Variants in KCNJ6 observed in about 807,000 individuals in gnomAD.
KCNJ6 encodes potassium inwardly rectifying channel subfamily J member 6.
KCNJ6 carries 9 observed loss-of-function variants against 34.2 expected under a neutral mutation model. The observed-to-expected ratio is 0.26, with a 90% CI of 0.16 to 0.46. The LOEUF is 0.46. Ranked by LOEUF, KCNJ6 falls within the 20% of genes least tolerant of loss-of-function variation. The pLI is 1.00. For missense variants in KCNJ6, 236 were observed against 531.3 expected (o/e 0.44, Z 5.46); for synonymous variants, 196 against 207.1 (o/e 0.95, Z 0.46).
chr21:37,658,941 T>C (rs2054476114), intron 3 of KCNJ6, among the ~76,000 whole-genome samples: 1 of 152,256 alleles, frequency 6.6e-6, no homozygotes, highest in African/African-American at 2.4e-5. Context: ...AAACTCCTTG[T>C]TCTCTTTCTC....
chr21:37,895,787 A>G (rs1265224892), intron 1 of KCNJ6, among the ~76,000 whole-genome samples: 1 of 152,180 alleles, frequency 6.6e-6, no homozygotes, highest in Non-Finnish European at 1.5e-5. Context: ...GTGGTGCCCC[A>G]TTCCCCATTT....
Position 37,658,039 on chromosome 21 carries a change from C to T in KCNJ6, c.947-32555G>A, listed in dbSNP as rs562944311. On this transcript the variant is annotated intron_variant, in intron 3 of 3. Transcript: ENST00000609713. ...GTAGTTTGTGGGTTTTCTCTTAAAA[C>T]GAGGCTCTTATTCCTGCAAATATTT... 4.1e-4 allele frequency among the ~76,000 whole-genome samples: 62 copies of T among 152,336 alleles called. No homozygotes were observed. In the South Asian group the frequency reaches 4.8e-3, roughly 12 times the overall value.
chr21:37,698,060 G>A (rs536481340), intron 3 of KCNJ6, among the ~76,000 whole-genome samples: 2 of 152,318 alleles, frequency 1.3e-5, no homozygotes, highest in South Asian at 4.1e-4. Context: ...GCAAACACTC[G>A]TTAAACAAAG....
At chr21:37,757,708 C>T (rs914954025) in intron 2 of KCNJ6, among the ~76,000 whole-genome samples, 42 of 149,176 alleles carry the variant, frequency 2.8e-4, no homozygotes, top group Non-Finnish European at 3.0e-5. Context: ...GGTTCCAGCC[C>T]GGAGTGAGCA....
At chr21:37,653,232 G>A (rs2054442024) in intron 3 of KCNJ6, among the ~76,000 whole-genome samples, 1 of 152,190 alleles carries the variant, frequency 6.6e-6, no homozygotes, top group Admixed American at 6.5e-5. Context: ...CTGAATTCAT[G>A]GACTAGAGCT....
intron 3 of KCNJ6, among the ~76,000 whole-genome samples, chr21:37,667,085 T>C (rs1404828926): frequency 4.2e-5 from 6 of 141,736 alleles, no homozygotes; most frequent in Admixed American, 3.7e-4. Flanking sequence ...TGACCTTCTC[T>C]CCACTATTAT....
At chr21:37,910,978 C>T (rs2055864363) in intron 1 of KCNJ6, among the ~76,000 whole-genome samples, 1 of 152,168 alleles carries the variant, frequency 6.6e-6, no homozygotes, top group Admixed American at 6.5e-5. Flanking sequence ...TGAATATTTA[C>T]AACTGATTAG....
rs572096844 is a variant in KCNJ6, at chr21:37,714,815, G to C, written c.342C>G (p.Ile114Met). The part of the protein sequence containing the change: ...WLFFGMIWWL[I>M]AYIRGDMDHI... ...GGTCCATGTCTCCCCGTATGTATGC[G>C]ATCAACCACCAGATCATTCCAAAAA... Residue 114 changes from isoleucine to methionine, a missense_variant, in exon 3 of 4, where the codon ATC (isoleucine) becomes ATG (methionine). Around this residue, in one of 5 missense-constraint regions of KCNJ6, gnomAD observed 68 missense variants for 165.7 expected, o/e 0.41. Transcript: ENST00000609713. The surrounding 1 kb of genome is among the most constrained non-coding windows in gnomAD (Gnocchi z 5.9). 5.6e-6 allele frequency: 9 copies of C among 1,614,046 alleles called. No individual in the cohort carries two copies. In the South Asian group the frequency reaches 9.9e-5, roughly 18 times the overall value.
At chr21:37,884,032 G>A (rs2055722816) in intron 1 of KCNJ6, among the ~76,000 whole-genome samples, 1 of 152,158 alleles carries the variant, frequency 6.6e-6, no homozygotes, top group African/African-American at 2.4e-5. Flanking sequence ...GTAAGTCTAT[G>A]TGTCTCCTGA....
Position 37,621,167 on chromosome 21 carries a change from C to T in KCNJ6, c.*3992G>A, listed in dbSNP as rs1226222727. On this transcript the variant is annotated 3_prime_UTR_variant, in exon 4 of 4. Coordinates refer to ENST00000609713, the MANE Select transcript of KCNJ6 (RefSeq NM_002240.5). ...TAGAGGACACTGAACTTTCAACTACCTTCCTGACATTTTTAAATCATACAG... is the reference window on the plus strand; with the variant it reads ...TAGAGGACACTGAACTTTCAACTACTTTCCTGACATTTTTAAATCATACAG... 1 of 152,148 alleles carries T rather than the reference C, an allele frequency of 6.6e-6. No individual in the cohort carries two copies. The highest frequency in any genetic ancestry group is 1.9e-4 in the East Asian group (1 of 5,202). The allele number at this position is 152,148 out of a possible 1,614,324, so 9.4% of individuals were successfully genotyped here. A position where few individuals can be genotyped will look rare whatever the true frequency, so the allele number is the denominator to read the frequency against.
chr21:37,848,150 GA>G (rs1317804790), intron 1 of KCNJ6, among the ~76,000 whole-genome samples: 1 of 152,186 alleles, frequency 6.6e-6, no homozygotes, highest in African/African-American at 2.4e-5. Context: ...GTGGGAGGAG[GA>G]AGGTGCCTGT....
chr21:37,700,071 T>C (rs766316808), intron 3 of KCNJ6, among the ~76,000 whole-genome samples: 3 of 152,090 alleles, frequency 2.0e-5, no homozygotes, highest in Non-Finnish European at 4.4e-5. Flanking sequence ...GCACTGACCA[T>C]GTGCCAGATT....
At chr21:37,733,439 C>T (rs1024620667) in intron 2 of KCNJ6, among the ~76,000 whole-genome samples, 8 of 152,156 alleles carry the variant, frequency 5.3e-5, no homozygotes, top group Non-Finnish European at 2.9e-5. Flanking sequence ...AGGAGACATG[C>T]ACTAACTAGA....
rs2054274543 is a variant in KCNJ6 at position 37,617,154 on chromosome 21, T to TCCTTC, written c.*8004_*8005insGAAGG. On this transcript the variant is annotated 3_prime_UTR_variant, in exon 4 of 4. Transcript: ENST00000609713. ...TTCTTTCTTTCCTTCCTTCCTTCCT[T>TCCTTC]CTTTCTTTATCTTTTTTCCTTCCTT... 1 of 147,256 alleles carries TCCTTC rather than the reference T, an allele frequency of 6.8e-6. No individual in the cohort carries two copies. Among genetic ancestry groups the TCCTTC allele is most frequent in the Admixed American group, 6.9e-5 (1 of 14,480 alleles). 9.1% of individuals were successfully genotyped at this position (147,256 alleles called of 1,614,324 possible).
intron 1 of KCNJ6, among the ~76,000 whole-genome samples, chr21:37,914,624 G>A (rs2055884330): frequency 6.6e-6 from 1 of 152,236 alleles, no homozygotes; most frequent in Non-Finnish European, 1.5e-5. Context: ...CACCTGGGTC[G>A]CCATGGAGAC....
chr21:37,904,187 G>C (rs1303055891), intron 1 of KCNJ6, among the ~76,000 whole-genome samples: 1 of 152,132 alleles, frequency 6.6e-6, no homozygotes, highest in Admixed American at 6.5e-5. Flanking sequence ...CTTTGGTATT[G>C]TTTGGGTGAT....
At chr21:37,796,931 C>T (rs1345147492) in intron 2 of KCNJ6, among the ~76,000 whole-genome samples, 2 of 151,200 alleles carry the variant, frequency 1.3e-5, no homozygotes, top group African/African-American at 2.4e-5. Flanking sequence ...GTAGCTGGGA[C>T]TACAGGCGCC....
At chr21:37,806,080 G>T (rs568109394) in intron 2 of KCNJ6, among the ~76,000 whole-genome samples, 1 of 152,348 alleles carries the variant, frequency 6.6e-6, no homozygotes, top group African/African-American at 2.4e-5. Context: ...AAACATGTTT[G>T]TTGAGTGAAT....
intron 2 of KCNJ6, among the ~76,000 whole-genome samples, chr21:37,802,933 C>A (rs2055276285): frequency 6.6e-6 from 1 of 152,146 alleles, no homozygotes; most frequent in Non-Finnish European, 1.5e-5. Context: ...GACTCTCCTG[C>A]CACTAGGATC....
Sources: allele counts gnomAD v4.1 joint callset (sites outside exome capture counted in the v4.1 genomes callset), GRCh38; gene constraint gnomAD v4.1.1; regional missense constraint gnomAD v4.1.1; non-coding constraint Gnocchi (gnomAD v3.1); transcripts MANE v1.5; gene names NCBI Gene and HGNC (gene_info 2026-07-23, HGNC 2026-07-21).